The following MAST2 variants were observed in gnomAD, a reference collection of about 807,000 sequenced individuals.
MAST2 encodes microtubule associated serine/threonine kinase 2, also known as microtubule-associated serine/threonine-protein kinase 2.
MAST2 carries 70 observed loss-of-function variants against 147.4 expected under a neutral mutation model. The observed-to-expected ratio is 0.47, with a 90% CI of 0.39 to 0.58. The LOEUF is 0.58. Among genes scored for constraint, MAST2 ranks in the 20% least tolerant of loss-of-function variants. The pLI is 0.00. For missense variants in MAST2, 2,080 were observed against 2,302.3 expected, an observed-to-expected ratio of 0.90 and a Z score of 1.98; for synonymous variants, 869 against 896.8, an observed-to-expected ratio of 0.97 and a Z score of 0.55.
intron 10 of MAST2, 57 bp from the exon 11 acceptor site, chr1:46,019,539 C>G (rs1166118916): frequency 7.0e-7 from 1 of 1,428,362 alleles, no homozygotes; most frequent in Non-Finnish European, 9.9e-7. Flanking sequence ...CTGTCTGGTC[C>G]TGCTTAGCCC....
chr1:45,966,942 A>G (rs771281453), intron 5 of MAST2, among the ~76,000 whole-genome samples: 2 of 150,556 alleles, frequency 1.3e-5, no homozygotes, highest in East Asian at 3.9e-4. Flanking sequence ...TCACAGCTCA[A>G]TACAGCCTTG....
chr1:45,803,702 G>C lies in MAST2; in HGVS notation c.-194G>C. On this transcript the variant is annotated 5_prime_UTR_variant, in exon 1 of 29. The change abolishes the stop of an existing upstream ORF in the 5' untranslated region. Transcript: ENST00000361297. ...GCGTCAGCGATGCTGTCTCTTCCGT[G>C]AGGAGCGCAGAGGAGGTCGCGGCGC... 1 of 348,514 alleles carries C rather than the reference G, an allele frequency of 2.9e-6. No individual in the cohort carries two copies. Among genetic ancestry groups the C allele is most frequent in the Non-Finnish European group, 5.1e-6 (1 of 196,062 alleles). The allele number at this position is 348,514 out of a possible 1,614,324, so 21.6% of individuals were successfully genotyped here.
At chr1:45,908,169 T>G (rs1651088333) in intron 4 of MAST2, among the ~76,000 whole-genome samples, 1 of 152,140 alleles carries the variant, frequency 6.6e-6, no homozygotes, top group Non-Finnish European at 1.5e-5. Flanking sequence ...TTTATTATAT[T>G]TTGAATTTAA....
At chr1:45,983,920 C>G (rs1404384780) in intron 5 of MAST2, among the ~76,000 whole-genome samples, 1 of 152,100 alleles carries the variant, frequency 6.6e-6, no homozygotes, top group Non-Finnish European at 1.5e-5. Context: ...GGTAGCTACA[C>G]TTTAAAAGAA....
intron 1 of MAST2, 44 bp from the exon 2 acceptor site, chr1:45,824,389 A>C: frequency 6.7e-7 from 1 of 1,484,498 alleles, no homozygotes; most frequent in South Asian, 1.3e-5. Context: ...TATACTTCAG[A>C]GGAGATATTA....
At chr1:45,833,869 C>CTTTTT (rs887890210) in intron 3 of MAST2, among the ~76,000 whole-genome samples, 1 of 145,086 alleles carries the variant, frequency 6.9e-6, no homozygotes, top group Non-Finnish European at 1.5e-5. Flanking sequence ...TTCTCTTGTG[C>CTTTTT]TTTTTTTTTT....
At chr1:46,032,501 G>A (rs574373410) in intron 25 of MAST2, 95 bp from the exon 26 acceptor site, 4 of 1,596,086 alleles carry the variant, frequency 2.5e-6, no homozygotes, top group Middle Eastern at 1.7e-4. Context: ...GGGTCAAAGG[G>A]TGGTGGTGAA....
chr1:45,884,640 A>G (rs1402881795), intron 4 of MAST2, among the ~76,000 whole-genome samples: 1 of 152,236 alleles, frequency 6.6e-6, no homozygotes. Flanking sequence ...AATTAGATAA[A>G]TTCTTCTCTT....
chr1:45,983,070 A>G (rs1644475980), intron 5 of MAST2, among the ~76,000 whole-genome samples: 1 of 152,162 alleles, frequency 6.6e-6, no homozygotes, highest in South Asian at 2.1e-4. Flanking sequence ...TCACATATAT[A>G]GTGGTCTGTT....
chr1:45,927,385 G>A (rs1654547211), intron 4 of MAST2, among the ~76,000 whole-genome samples: 1 of 152,138 alleles, frequency 6.6e-6, no homozygotes, highest in Non-Finnish European at 1.5e-5. Flanking sequence ...GGAGACTGGG[G>A]TCTATTTCAC....
At chr1:45,990,890 T>A (rs1644831178) in intron 5 of MAST2, among the ~76,000 whole-genome samples, 1 of 152,228 alleles carries the variant, frequency 6.6e-6, no homozygotes, top group Non-Finnish European at 1.5e-5. Flanking sequence ...GCAGTCTAGC[T>A]TATTAATGTT....
At chr1:46,029,411 ATC>A in intron 18 of MAST2, 53 bp from the exon 19 acceptor site, 1 of 1,443,406 alleles carries the variant, frequency 6.9e-7, no homozygotes, top group Non-Finnish European at 9.7e-7. Context: ...CCTCTTCTGC[ATC>A]TCTCCACTCT....
intron 15 of MAST2, among the ~76,000 whole-genome samples, chr1:46,025,082 G>A (rs2149305499): frequency 6.6e-6 from 1 of 152,284 alleles, no homozygotes; most frequent in Middle Eastern, 3.4e-3. Flanking sequence ...ACTTTGGGAG[G>A]CTGAGCCAGG....
At chr1:45,891,759 A>G (rs952801799) in intron 4 of MAST2, among the ~76,000 whole-genome samples, 53 of 152,006 alleles carry the variant, frequency 3.5e-4, no homozygotes, top group African/African-American at 1.3e-3. Context: ...GATTATTTGC[A>G]TAGTGTGGCC....
intron 3 of MAST2, among the ~76,000 whole-genome samples, chr1:45,860,877 T>C (rs902068864): frequency 2.0e-5 from 3 of 152,146 alleles, no homozygotes; most frequent in African/African-American, 7.2e-5. Context: ...TGCTATTATC[T>C]TTGTTATTTT....
At chr1:45,927,465 G>A (rs926758927) in intron 4 of MAST2, among the ~76,000 whole-genome samples, 9 of 152,248 alleles carry the variant, frequency 5.9e-5, no homozygotes, top group South Asian at 2.1e-4. Flanking sequence ...ACCTCCAGGC[G>A]CGTATTCTCT....
chr1:46,020,043 C>T (rs1045542030), intron 11 of MAST2, among the ~76,000 whole-genome samples: 7 of 152,146 alleles, frequency 4.6e-5, no homozygotes, highest in African/African-American at 1.7e-4. Flanking sequence ...GACTGAGTAC[C>T]TACTTCCTGC....
rs1322408195 is a variant in MAST2, at chr1:46,031,662, G to A, written c.3187+77G>A. ...TCTAGGCCTTGGGAGGGTTCTGCAC[G>A]TGGCAGGTGTGTGTGTGTGTGTTAA... On this transcript the variant is annotated intron_variant, in intron 24 of 28. Transcript: ENST00000361297. The surrounding 1 kb of genome is among the most constrained non-coding windows in gnomAD (Gnocchi z 4.1). 1.4e-5 allele frequency: 19 copies of A among 1,387,834 alleles called. No homozygotes were observed. The highest frequency in any genetic ancestry group is 1.1e-4 in the South Asian group (8 of 75,334). The allele number at this position is 1,387,834 out of a possible 1,614,324, so 86.0% of individuals were successfully genotyped here.
chr1:45,897,396 G>T (rs1029143376), intron 4 of MAST2, among the ~76,000 whole-genome samples: 1 of 152,204 alleles, frequency 6.6e-6, no homozygotes, highest in Non-Finnish European at 1.5e-5. Flanking sequence ...CATAGTTACA[G>T]TTTTTTCTTA....
Sources: gnomAD v4.1 joint callset for allele counts (sites outside exome capture counted in the v4.1 genomes callset) on GRCh38, gnomAD v4.1.1 for gene constraint, Gnocchi (gnomAD v3.1) non-coding constraint, MANE v1.5 for transcripts, NCBI Gene and HGNC (gene_info 2026-07-23, HGNC 2026-07-21) for gene names.